DOK5: variants seen among roughly 807,000 people sequenced by gnomAD.
DOK5 encodes the protein downstream of tyrosine kinase 5.
In DOK5, 27 loss-of-function variants were observed where a neutral mutation model predicts 43.3. The ratio of observed to expected loss-of-function variants is 0.62; its 90% CI spans 0.46 to 0.86. The LOEUF is 0.86. DOK5 is among the 40% of genes least tolerant of loss of function. The pLI, the probability that DOK5 is intolerant of heterozygous loss-of-function variation, is 0.00. For missense variants in DOK5, 373 were observed against 392.9 expected, an observed-to-expected ratio of 0.95 and a Z score of 0.43; for synonymous variants, 146 against 140.1, an observed-to-expected ratio of 1.04 and a Z score of -0.30.
chr20:54,488,805 C>T (rs1177788491), intron 1 of DOK5, among the ~76,000 whole-genome samples: 1 of 134,240 alleles, frequency 7.4e-6, no homozygotes, highest in African/African-American at 2.6e-5. Context: ...TTCCTACCTT[C>T]CTTCCTTCCT....
At chr20:54,578,368 A>C (rs994214927) in intron 2 of DOK5, among the ~76,000 whole-genome samples, 1 of 152,110 alleles carries the variant, frequency 6.6e-6, no homozygotes, top group Non-Finnish European at 1.5e-5. Context: ...GATAGCTACA[A>C]ATTTTAGCTC....
At chr20:54,492,052 T>C (rs1193813710) in intron 1 of DOK5, among the ~76,000 whole-genome samples, 1 of 151,896 alleles carries the variant, frequency 6.6e-6, no homozygotes, top group Non-Finnish European at 1.5e-5. Flanking sequence ...ATATATGACA[T>C]ATATATCATA....
chr20:54,505,277 T>G (rs1233566797), intron 1 of DOK5, among the ~76,000 whole-genome samples: 1 of 152,054 alleles, frequency 6.6e-6, no homozygotes, highest in Non-Finnish European at 1.5e-5. Context: ...AAATAAACTT[T>G]CACGGGAACA....
At chr20:54,501,655 G>C (rs542067278) in intron 1 of DOK5, among the ~76,000 whole-genome samples, 1 of 151,890 alleles carries the variant, frequency 6.6e-6, no homozygotes, top group African/African-American at 2.4e-5. Context: ...TGTATATTTC[G>C]ACCCTTAGCA....
intron 1 of DOK5, among the ~76,000 whole-genome samples, chr20:54,540,754 C>A (rs1037574857): frequency 4.6e-5 from 7 of 152,072 alleles, no homozygotes; most frequent in Admixed American, 6.6e-5. Context: ...GAACTCCTGG[C>A]CTCCTGCAAT....
At position 54,588,740 on chromosome 20, in the gene DOK5, C is replaced by T. The variant is rs773975138; in HGVS notation, c.343C>T (p.Arg115Trp). ...KVLQMECVGT[R>W]INDISLGEPD... The stretch of plus-strand genomic sequence containing the variant: ...ACTCCAGATGGAGTGTGTAGGAACA[C>T]GGATCAATGACATCAGCCTTGGAGA... Residue 115 changes from arginine to tryptophan, a missense_variant, in exon 4 of 8, where the codon CGG becomes TGG. Arg to Trp is a moderately radical substitution (Grantham distance 101, BLOSUM62 -3). Coordinates refer to ENST00000262593, the MANE Select transcript of DOK5 (RefSeq NM_018431.5). The T allele has an allele frequency of 2.5e-5, 41 of 1,613,900 alleles. No homozygotes were observed. The highest frequency in any genetic ancestry group is 4.5e-5 in the East Asian group (2 of 44,886).
chr20:54,622,711 C>T (rs1159111802), intron 6 of DOK5, among the ~76,000 whole-genome samples: 2 of 152,120 alleles, frequency 1.3e-5, no homozygotes, highest in East Asian at 1.9e-4. Flanking sequence ...ATGCCACGAC[C>T]CTTCCCTCAT....
chr20:54,580,683 T>C (rs1985610708), intron 2 of DOK5, among the ~76,000 whole-genome samples: 3 of 152,186 alleles, frequency 2.0e-5, no homozygotes, highest in South Asian at 2.1e-4. Flanking sequence ...TATCTTTGAA[T>C]AGACATTTGC....
At chr20:54,584,955 G>C (rs376555023) in intron 2 of DOK5, among the ~76,000 whole-genome samples, 56 of 152,208 alleles carry the variant, frequency 3.7e-4, no homozygotes, top group African/African-American at 1.3e-3. Context: ...TTGCAAAATA[G>C]AATGATAGTG....
chr20:54,623,338 A>G (rs1229317954), intron 6 of DOK5, among the ~76,000 whole-genome samples: 20 of 152,064 alleles, frequency 1.3e-4, no homozygotes. Flanking sequence ...TCTGATAGAC[A>G]GGTTCTGCTT....
chr20:54,507,587 G>A (rs1400316415), intron 1 of DOK5, among the ~76,000 whole-genome samples: 2 of 152,180 alleles, frequency 1.3e-5, no homozygotes, highest in Non-Finnish European at 2.9e-5. Flanking sequence ...TGTTGCTGAT[G>A]GTGGTTGTCA....
intron 2 of DOK5, among the ~76,000 whole-genome samples, chr20:54,585,501 A>C (rs1754578439): frequency 1.3e-5 from 2 of 152,172 alleles, no homozygotes; most frequent in African/African-American, 4.8e-5. Flanking sequence ...ACTCTTACAT[A>C]ATGTCTCACT....
chr20:54,558,565 G>C (rs902082653), intron 2 of DOK5, among the ~76,000 whole-genome samples: 1 of 152,070 alleles, frequency 6.6e-6, no homozygotes, highest in African/African-American at 2.4e-5. Context: ...TCATCTAAAT[G>C]CTGTGTAATT....
chr20:54,500,050 A>G (rs6091897), intron 1 of DOK5, among the ~76,000 whole-genome samples: 2,326 of 152,322 alleles, frequency 0.015, 52 homozygotes, highest in African/African-American at 0.053. Context: ...ATATGTTCTC[A>G]AACTGCTTTA....
chr20:54,645,121 T>C (rs1158231998), intron 7 of DOK5, among the ~76,000 whole-genome samples: 2 of 146,784 alleles, frequency 1.4e-5, no homozygotes, highest in Admixed American at 6.9e-5. Context: ...AATGATGAGG[T>C]ACAAGACCAC....
intron 5 of DOK5, among the ~76,000 whole-genome samples, chr20:54,602,543 C>T (rs75108456): frequency 0.022 from 3,406 of 152,270 alleles, 93 homozygotes; most frequent in African/African-American, 0.062. Context: ...AATGGAGAAA[C>T]ATTTCAGTTG....
At chr20:54,564,426 G>T (rs977805984) in intron 2 of DOK5, among the ~76,000 whole-genome samples, 1 of 146,042 alleles carries the variant, frequency 6.8e-6, no homozygotes, top group African/African-American at 2.8e-5. Flanking sequence ...GCAAGACTCC[G>T]TCAAAAAAAA....
At chr20:54,515,828 A>G (rs1983180982) in intron 1 of DOK5, among the ~76,000 whole-genome samples, 1 of 152,232 alleles carries the variant, frequency 6.6e-6, no homozygotes, top group South Asian at 2.1e-4. Context: ...AGAAACGTAG[A>G]CTAATAATAA....
chr20:54,539,720 TG>T (rs1328968434), intron 1 of DOK5, among the ~76,000 whole-genome samples: 1 of 152,154 alleles, frequency 6.6e-6, no homozygotes, highest in Admixed American at 6.5e-5. Flanking sequence ...ACCCAGGACT[TG>T]ACTGCTCATG....
Sources: allele counts gnomAD v4.1 joint callset (sites outside exome capture counted in the v4.1 genomes callset), GRCh38; gene constraint gnomAD v4.1.1; transcripts MANE v1.5; gene names NCBI Gene and HGNC (gene_info 2026-07-23, HGNC 2026-07-21).